Variants in PLCXD2 observed in about 807,000 individuals in gnomAD.
PLCXD2 encodes PI-PLC X domain-containing protein 2.
PLCXD2 carries 21 observed loss-of-function variants against 28.6 expected under a neutral mutation model. The ratio of observed to expected loss-of-function variants is 0.73; its 90% CI spans 0.52 to 1.06. PLCXD2 has a LOEUF of 1.06. Ranked by LOEUF, PLCXD2 falls within the 50% of genes least tolerant of loss-of-function variation. The pLI is 0.00. For synonymous variants in PLCXD2, 140 were observed against 150.1 expected (o/e 0.93, Z 0.49); for missense variants, 369 against 376.7 (o/e 0.98, Z 0.17).
chr3:111,687,727 C>A (rs1940815805), intron 1 of PLCXD2, among the ~76,000 whole-genome samples: 1 of 151,088 alleles, frequency 6.6e-6, no homozygotes, highest in South Asian at 2.1e-4. Flanking sequence ...TGCTCTGTCA[C>A]CCAAGCTGGA....
chr3:111,691,134 C>T (rs2107846796), intron 1 of PLCXD2, among the ~76,000 whole-genome samples: 1 of 152,302 alleles, frequency 6.6e-6, no homozygotes, highest in African/African-American at 2.4e-5. Context: ...CCACTTTAGG[C>T]TTGGAATGAT....
At chr3:111,689,655 G>T (rs957999845) in intron 1 of PLCXD2, among the ~76,000 whole-genome samples, 1 of 152,102 alleles carries the variant, frequency 6.6e-6, no homozygotes, top group African/African-American at 2.4e-5. Flanking sequence ...CTGTATACTT[G>T]CTGTCTTGTT....
chr3:111,708,054 C>G lies in PLCXD2; in HGVS notation c.292C>G (p.Gln98Glu). The change falls in exon 2 of 5, where the codon CAG (glutamine) becomes GAG (glutamate). Residue 98 changes from glutamine (Q) to glutamate (E), a missense_variant. Physicochemically the swap from Gln to Glu is conservative, Grantham distance 29. Coordinates refer to ENST00000477665, the MANE Select transcript of PLCXD2 (RefSeq NM_001185106.1). ...GCTAATGAAGAAGTGGTCTGTGACT[C>G]AGAACCTGACATTTCGAGAACAGCT... The G allele has an allele frequency of 1.2e-6, 2 of 1,614,172 alleles. No individual in the cohort carries two copies. Among genetic ancestry groups the G allele is most frequent in the Non-Finnish European group, 1.7e-6 (2 of 1,180,022 alleles).
At chr3:111,716,431 A>G (rs887388063) in intron 3 of PLCXD2, among the ~76,000 whole-genome samples, 6 of 152,212 alleles carry the variant, frequency 3.9e-5, no homozygotes, top group African/African-American at 1.2e-4. Context: ...TAACTCTTCG[A>G]TAAACTTTGG....
chr3:111,711,230 C>G (rs1355397370), intron 2 of PLCXD2, among the ~76,000 whole-genome samples: 6 of 151,970 alleles, frequency 3.9e-5, no homozygotes, highest in South Asian at 2.1e-4. Flanking sequence ...GTGGTGAAAC[C>G]CCATCTCTAC....
chr3:111,723,078 C>G (rs1409999755), intron 3 of PLCXD2: 1 of 152,176 alleles, frequency 6.6e-6, no homozygotes, highest in Admixed American at 6.5e-5. Context: ...AATCCCTGGT[C>G]TACCCTCAGG....
intron 1 of PLCXD2, among the ~76,000 whole-genome samples, chr3:111,675,637 G>GT (rs1237013099): frequency 6.6e-6 from 1 of 152,074 alleles, no homozygotes; most frequent in Non-Finnish European, 1.5e-5. Context: ...TTTGTTTGTG[G>GT]TTTTTTTGTT....
At chr3:111,709,899 A>G (rs149697862) in intron 2 of PLCXD2, among the ~76,000 whole-genome samples, 15 of 152,350 alleles carry the variant, frequency 9.8e-5, no homozygotes, top group Non-Finnish European at 1.6e-4. Context: ...TTAGGTCTTA[A>G]TAAGATCTCT....
At chr3:111,710,439 A>G (rs1455888070) in intron 2 of PLCXD2, among the ~76,000 whole-genome samples, 3 of 152,198 alleles carry the variant, frequency 2.0e-5, no homozygotes, top group African/African-American at 7.2e-5. Flanking sequence ...CAGTGACACC[A>G]TGAGATGGGT....
chr3:111,688,698 T>C (rs1481120264), intron 1 of PLCXD2, among the ~76,000 whole-genome samples: 2 of 152,168 alleles, frequency 1.3e-5, no homozygotes, highest in African/African-American at 4.8e-5. Context: ...GCTTAAGCAA[T>C]TGCCTCCCAA....
intron 2 of PLCXD2, among the ~76,000 whole-genome samples, chr3:111,710,862 C>A (rs921308109): frequency 1.3e-5 from 2 of 152,136 alleles, no homozygotes; most frequent in African/African-American, 4.8e-5. Context: ...TACAAATCTG[C>A]AGGAGTAAGG....
At chr3:111,702,878 G>C (rs1941062830) in intron 1 of PLCXD2, among the ~76,000 whole-genome samples, 1 of 152,138 alleles carries the variant, frequency 6.6e-6, no homozygotes, top group Non-Finnish European at 1.5e-5. Flanking sequence ...TAGTGAATTT[G>C]AATTATAAAA....
At chr3:111,698,116 C>T (rs1940989094) in intron 1 of PLCXD2, among the ~76,000 whole-genome samples, 1 of 152,108 alleles carries the variant, frequency 6.6e-6, no homozygotes, top group African/African-American at 2.4e-5. Flanking sequence ...ATTTGTTTCT[C>T]AGATAGTATC....
intron 2 of PLCXD2, among the ~76,000 whole-genome samples, chr3:111,713,095 C>A (rs1351288181): frequency 6.6e-6 from 1 of 152,170 alleles, no homozygotes; most frequent in Non-Finnish European, 1.5e-5. Flanking sequence ...TATTTACCCA[C>A]AAATTAGTTC....
chr3:111,721,879 A>G (rs993175885), intron 3 of PLCXD2: 4 of 152,264 alleles, frequency 2.6e-5, no homozygotes, highest in African/African-American at 7.2e-5. Context: ...GCACCATGGA[A>G]GCAGGCGCAG....
At chr3:111,687,387 G>A (rs557384589) in intron 1 of PLCXD2, among the ~76,000 whole-genome samples, 4 of 152,204 alleles carry the variant, frequency 2.6e-5, no homozygotes, top group African/African-American at 7.2e-5. Context: ...TTGTCCCCAA[G>A]GACTCTAAGG....
At chr3:111,694,243 G>GTCTA (rs1370378444) in intron 1 of PLCXD2, among the ~76,000 whole-genome samples, 1 of 152,088 alleles carries the variant, frequency 6.6e-6, no homozygotes, top group African/African-American at 2.4e-5. Flanking sequence ...CTTTCCAAGA[G>GTCTA]TCTATCTCTA....
chr3:111,712,122 G>C (rs16858448), intron 2 of PLCXD2, among the ~76,000 whole-genome samples: 15,364 of 152,154 alleles, frequency 0.1, 1,131 homozygotes, highest in East Asian at 0.32. Context: ...AGTGGGAGTT[G>C]GTTTGCAAGG....
At position 111,708,397 on chromosome 3, in the gene PLCXD2, A is replaced by G. The variant is rs961445519; in HGVS notation, c.624+11A>G. On this transcript the variant is annotated intron_variant, in intron 2 of 4. Transcript: ENST00000477665. ...GAGAAGAACTGCCAGGTAGGAGGGA[A>G]GGAGAGATAAGCTTCCAAGAGCAAG... 1.9e-6 allele frequency: 3 copies of G among 1,605,590 alleles called. No individual in the cohort carries two copies. The African/African-American group carries it at 4.0e-5, about 22-fold the overall frequency.
Sources: gnomAD v4.1 joint callset for allele counts (sites outside exome capture counted in the v4.1 genomes callset) on GRCh38, gnomAD v4.1.1 for gene constraint, MANE v1.5 for transcripts, NCBI Gene and HGNC (gene_info 2026-07-23, HGNC 2026-07-21) for gene names.